SGCZ: variants seen among roughly 807,000 people sequenced by gnomAD.
SGCZ encodes the protein sarcoglycan zeta.
A neutral mutation model predicts 41.3 loss-of-function variants in SGCZ; 40 were observed. That is an observed-to-expected ratio of 0.97 (90% CI 0.75 to 1.26). SGCZ has a LOEUF of 1.26. Among genes scored for constraint, SGCZ ranks in the 50% most tolerant of loss-of-function variants. The pLI is 0.00. For synonymous variants in SGCZ, 206 were observed against 137.5 expected (o/e 1.50, Z -3.49); for missense variants, 552 against 369.8 (o/e 1.49, Z -4.04).
intron 2 of SGCZ, among the ~76,000 whole-genome samples, chr8:14,328,579 T>G (rs1739984418): frequency 6.6e-6 from 1 of 152,232 alleles, no homozygotes. Context: ...TAACTATTAT[T>G]AACATTTTAC....
chr8:14,928,960 C>G (rs370482364), intron 1 of SGCZ, among the ~76,000 whole-genome samples: 37 of 151,992 alleles, frequency 2.4e-4, no homozygotes, highest in African/African-American at 8.9e-4. Flanking sequence ...AAATTCATGA[C>G]TGCATTTTTA....
intron 2 of SGCZ, among the ~76,000 whole-genome samples, chr8:14,386,363 C>A (rs1804577637): frequency 6.7e-6 from 1 of 148,566 alleles, no homozygotes; most frequent in East Asian, 2.0e-4. Context: ...ACACATAAAA[C>A]TGGTTGTGGT....
chr8:14,838,364 C>A (rs1041620557), intron 1 of SGCZ, among the ~76,000 whole-genome samples: 1 of 152,110 alleles, frequency 6.6e-6, no homozygotes, highest in Non-Finnish European at 1.5e-5. Flanking sequence ...CTAGTCAGTT[C>A]TCAGAGATAG....
chr8:14,803,382 A>G (rs1228855672), intron 1 of SGCZ, among the ~76,000 whole-genome samples: 1 of 152,098 alleles, frequency 6.6e-6, no homozygotes, highest in Non-Finnish European at 1.5e-5. Flanking sequence ...CACCATGCGC[A>G]AGCCGAAGCA....
intron 2 of SGCZ, among the ~76,000 whole-genome samples, chr8:14,503,710 G>C (rs1431847633): frequency 6.6e-6 from 1 of 151,814 alleles, no homozygotes; most frequent in Admixed American, 6.6e-5. Flanking sequence ...GGAGGTTGCA[G>C]TGAGCCGAGA....
chr8:14,196,151 G>C (rs1366438413), intron 4 of SGCZ, among the ~76,000 whole-genome samples: 1 of 151,984 alleles, frequency 6.6e-6, no homozygotes, highest in Non-Finnish European at 1.5e-5. Flanking sequence ...ATCACTTGAA[G>C]ATGGACATAG....
chr8:14,778,304 T>C (rs565299622), intron 1 of SGCZ, among the ~76,000 whole-genome samples: 1 of 152,302 alleles, frequency 6.6e-6, no homozygotes, highest in South Asian at 2.1e-4. Flanking sequence ...ACCCCAAATC[T>C]ATATTTCAGA....
At chr8:14,311,564 AT>A (rs1203907967) in intron 3 of SGCZ, among the ~76,000 whole-genome samples, 3 of 152,168 alleles carry the variant, frequency 2.0e-5, no homozygotes, top group Non-Finnish European at 4.4e-5. Flanking sequence ...TATGACTACT[AT>A]TTTTAGACAA....
At chr8:14,173,008 C>T (rs1804433682) in intron 4 of SGCZ, among the ~76,000 whole-genome samples, 1 of 152,104 alleles carries the variant, frequency 6.6e-6, no homozygotes, top group Non-Finnish European at 1.5e-5. Context: ...TTTCCCTAAG[C>T]ACCCTGGACA....
In SGCZ at chr8:14,631,531, C is replaced by T. The variant is rs116416179; in HGVS notation, c.40-76605G>A. Among the ~76,000 whole-genome samples the T allele has an allele frequency of 8.8e-3, 1,344 of 152,088 alleles. 19 individuals are homozygous for T. Among genetic ancestry groups the T allele is most frequent in the African/African-American group, 0.031 (1,273 of 41,500 alleles). ...AATTGGTTTGAAACATTTACTACAC[C>T]CATGAATTTGACCTGGCATAAATGG... On this transcript the variant is annotated intron_variant, in intron 1 of 7. Coordinates refer to ENST00000382080, the MANE Select transcript of SGCZ (RefSeq NM_139167.4).
intron 1 of SGCZ, among the ~76,000 whole-genome samples, chr8:14,583,757 A>G (rs565684772): frequency 2.6e-5 from 4 of 152,256 alleles, no homozygotes; most frequent in Admixed American, 1.3e-4. Flanking sequence ...AATGTCTATT[A>G]TTTATCAATA....
At chr8:14,477,797 C>T (rs550092861) in intron 2 of SGCZ, among the ~76,000 whole-genome samples, 1 of 152,286 alleles carries the variant, frequency 6.6e-6, no homozygotes, top group South Asian at 2.1e-4. Context: ...ATACCTCTGC[C>T]TTAGATGATA....
intron 1 of SGCZ, among the ~76,000 whole-genome samples, chr8:14,560,718 A>T (rs1037108548): frequency 1.5e-4 from 23 of 152,154 alleles, no homozygotes; most frequent in African/African-American, 5.3e-4. Flanking sequence ...AAACATACAC[A>T]ACTACAAAGA....
At chr8:14,945,154 G>A (rs977664675) in intron 1 of SGCZ, among the ~76,000 whole-genome samples, 4 of 119,856 alleles carry the variant, frequency 3.3e-5, no homozygotes, top group African/African-American at 1.3e-4. Context: ...GCAATGTTGT[G>A]TGTGGGTGGG....
In SGCZ at chr8:14,724,688, G is replaced by GATAT. The variant is rs143980961; in HGVS notation, c.40-169766_40-169763dup. ...ATAAATAAAAGAGTTATCACTAAGTGATATATATATATGCATATTTATTTT... is the reference window on the plus strand; with the variant it reads ...ATAAATAAAAGAGTTATCACTAAGTGATATATATATATATATGCATATTTATTTT... On this transcript the variant is annotated intron_variant, in intron 1 of 7. Transcript: ENST00000382080. Among the ~76,000 whole-genome samples, 595 of 148,594 alleles carry GATAT rather than the reference G, an allele frequency of 4.0e-3. 8 individuals are homozygous for GATAT. The highest frequency in any genetic ancestry group is 0.032 in the Middle Eastern group (9 of 280).
intron 3 of SGCZ, among the ~76,000 whole-genome samples, chr8:14,251,534 G>C (rs1389976511): frequency 6.6e-6 from 1 of 152,124 alleles, no homozygotes; most frequent in Non-Finnish European, 1.5e-5. Flanking sequence ...GAGACAGTCA[G>C]CTGCAAGCCA....
chr8:14,830,090 A>G (rs533543455), intron 1 of SGCZ, among the ~76,000 whole-genome samples: 1 of 152,278 alleles, frequency 6.6e-6, no homozygotes, highest in South Asian at 2.1e-4. Flanking sequence ...GATTACAGGC[A>G]TGAGCCACCG....
chr8:14,430,758 G>A (rs991705384), intron 2 of SGCZ, among the ~76,000 whole-genome samples: 1 of 152,080 alleles, frequency 6.6e-6, no homozygotes, highest in African/African-American at 2.4e-5. Context: ...TCAAAATGTC[G>A]TTGTTTACTG....
In SGCZ at chr8:14,816,697, G is replaced by T. The variant is rs540598731; in HGVS notation, c.40-261771C>A. Among the ~76,000 whole-genome samples the T allele has an allele frequency of 3.0e-4, 46 of 152,164 alleles. 1 individual carries two copies. In the South Asian group the frequency reaches 9.3e-3, roughly 31 times the overall value. On this transcript the variant is annotated intron_variant, in intron 1 of 7. Transcript: ENST00000382080. Reference sequence around the variant, plus strand: ...AATCACAGAATAATTTGGTAATACCGAAGTCTCCAACAGAAGAAGTATACT... The same window carrying T: ...AATCACAGAATAATTTGGTAATACCTAAGTCTCCAACAGAAGAAGTATACT...
Sources: allele counts gnomAD v4.1 joint callset (sites outside exome capture counted in the v4.1 genomes callset), GRCh38; gene constraint gnomAD v4.1.1; transcripts MANE v1.5; gene names NCBI Gene and HGNC (gene_info 2026-07-23, HGNC 2026-07-21).